IGSF3: variants seen among roughly 807,000 people sequenced by gnomAD.
IGSF3 encodes the protein glu-Trp-Ile EWI motif-containing protein 3.
In IGSF3, 23 loss-of-function variants were observed where a neutral mutation model predicts 114.4. That is an observed-to-expected ratio of 0.20 (90% CI 0.14 to 0.28). IGSF3 has a LOEUF of 0.28. Ranked by LOEUF, IGSF3 falls within the 10% of genes least tolerant of loss-of-function variation. The probability of loss-of-function intolerance (pLI) is 1.00; values close to 1 mark genes in which losing one functional copy is unlikely to be tolerated. For missense variants in IGSF3, 1,172 were observed against 1,591.5 expected (o/e 0.74, Z 4.48); for synonymous variants, 571 against 645.2 (o/e 0.88, Z 1.74).
At chr1:116,656,964 A>T (rs142460876) in intron 2 of IGSF3, among the ~76,000 whole-genome samples, 6,257 of 152,198 alleles carry the variant, frequency 0.041, 428 homozygotes, top group African/African-American at 0.14. Context: ...TAATTAAAGC[A>T]AACAAATATA....
Position 116,632,335 on chromosome 1 carries a change from G to A in IGSF3, c.44-15878C>T, listed in dbSNP as rs1487070543. On this transcript the variant is annotated intron_variant, in intron 2 of 10. Transcript: ENST00000369486. This position sits in a 1 kb window ranked among gnomAD's most constrained non-coding sequence, Gnocchi z 5.1. ...ATCAGTTGCTTTTTGTGCACAGCCA[G>A]ATGAGATATGGATCTGTGGGGGGAA... Among the ~76,000 whole-genome samples, 1 of 152,156 alleles carries A rather than the reference G, an allele frequency of 6.6e-6. No homozygotes were observed. Among genetic ancestry groups the A allele is most frequent in the Non-Finnish European group, 1.5e-5 (1 of 68,032 alleles).
chr1:116,599,868 C>T lies in IGSF3; in HGVS notation c.2029+73G>A, dbSNP rs113790314. 1,562 of 1,346,256 alleles carry T rather than the reference C, an allele frequency of 1.2e-3. 6 individuals carry two copies. The highest frequency in any genetic ancestry group is 8.8e-3 in the African/African-American group (612 of 69,492). The allele number at this position is 1,346,256 out of a possible 1,614,324, so 83.4% of individuals were successfully genotyped here. A position where few individuals can be genotyped will look rare whatever the true frequency, so the allele number is the denominator to read the frequency against. ...GGGGGAAGTGACGCTAAGGGCTCCA[C>T]GCACACCTTTCTTTTTCCCTCACGT... On this transcript the variant is annotated intron_variant, in intron 7 of 10. Transcript: ENST00000369486.
rs2101451694 is a variant in IGSF3, at chr1:116,604,123, T to C, written c.1223-98A>G. The C allele has an allele frequency of 2.7e-6, 3 of 1,120,632 alleles. 1 individual carries two copies. The highest frequency in any genetic ancestry group is 5.2e-5 in the East Asian group (2 of 38,698). The allele number at this position is 1,120,632 out of a possible 1,614,324, so 69.4% of individuals were successfully genotyped here. Reference sequence around the variant, plus strand: ...GAGAAGGGGTGCAAATGGAATCATATTCAGGTACGGTGAGCCTCAGAGGGT... The same window carrying C: ...GAGAAGGGGTGCAAATGGAATCATACTCAGGTACGGTGAGCCTCAGAGGGT... On this transcript the variant is annotated intron_variant, in intron 5 of 10. Transcript: ENST00000369486.
chr1:116,603,998 C>A lies in IGSF3; in HGVS notation c.1250G>T (p.Ser417Ile). 2 of 1,609,878 alleles carry A rather than the reference C, an allele frequency of 1.2e-6. No homozygotes were observed. Among genetic ancestry groups the A allele is most frequent in the Non-Finnish European group, 1.7e-6 (2 of 1,179,578 alleles). The change falls in exon 6 of 11, where the codon AGC (serine) becomes ATC (isoleucine). Residue 417 changes from serine to isoleucine, a missense_variant. By Grantham distance (142) the Ser-to-Ile change is moderately radical (BLOSUM62 -2). Coordinates refer to ENST00000369486, the MANE Select transcript of IGSF3 (RefSeq NM_001007237.3). The surrounding 1 kb of genome is among the most constrained non-coding windows in gnomAD (Gnocchi z 7.1). ...GCCCTCAAGGATGACGCTGGCATTG[C>A]TGGCCACCTCCACGGAGATGCTGCT... ...LKSSISVEVASNASVILEGED... is the reference protein window; with the variant it reads ...LKSSISVEVAINASVILEGED...
chr1:116,666,219 AATT>A (rs2101095793), intron 2 of IGSF3, 62 bp downstream of exon 2: 1 of 1,450,878 alleles, frequency 6.9e-7, no homozygotes, highest in Non-Finnish European at 9.7e-7. Context: ...AACCACGAGA[AATT>A]ACAGGAACCA....
At position 116,610,216 on chromosome 1, in the gene IGSF3, T is replaced by G. The variant is rs1436974602; in HGVS notation, c.833-1885A>C. Reference sequence around the variant, plus strand: ...CCAGTTAGTCATTTATAACCCAACATCAATGACAGAAAAGCACTCCTTCCA... The same window carrying G: ...CCAGTTAGTCATTTATAACCCAACAGCAATGACAGAAAAGCACTCCTTCCA... On this transcript the variant is annotated intron_variant, in intron 4 of 10. Coordinates refer to ENST00000369486, the MANE Select transcript of IGSF3 (RefSeq NM_001007237.3). This position sits in a 1 kb window ranked among gnomAD's most constrained non-coding sequence, Gnocchi z 4.3. Among the ~76,000 whole-genome samples the G allele has an allele frequency of 6.6e-6, 1 of 152,166 alleles. No individual in the cohort carries two copies. The highest frequency in any genetic ancestry group is 6.5e-5 in the Admixed American group (1 of 15,278).
intron 2 of IGSF3, among the ~76,000 whole-genome samples, chr1:116,631,587 G>C (rs534026497): frequency 6.6e-6 from 1 of 152,194 alleles, no homozygotes; most frequent in African/African-American, 2.4e-5. Flanking sequence ...ATAGTAAAGA[G>C]ATGTAGTTAA....
intron 2 of IGSF3, among the ~76,000 whole-genome samples, chr1:116,645,140 G>A (rs1475338623): frequency 6.6e-6 from 1 of 152,216 alleles, no homozygotes; most frequent in Non-Finnish European, 1.5e-5. Context: ...TGGACAAAAT[G>A]TGGTATATCC....
rs1281466334 is a variant in IGSF3 at position 116,598,285 on chromosome 1, C to A, written c.2029+1656G>T. Among the ~76,000 whole-genome samples, 2 of 152,142 alleles carry A rather than the reference C, an allele frequency of 1.3e-5. No individual in the cohort carries two copies. Among genetic ancestry groups the A allele is most frequent in the African/African-American group, 4.8e-5 (2 of 41,420 alleles). On this transcript the variant is annotated intron_variant, in intron 7 of 10. Coordinates refer to ENST00000369486, the MANE Select transcript of IGSF3 (RefSeq NM_001007237.3). The surrounding 1 kb of genome is among the most constrained non-coding windows in gnomAD (Gnocchi z 4.3). ...CAAAAAAAAAAGGTGCAATTACAAT[C>A]CTAATGTCCCACTCAATAATGCAGG... is the stretch of plus-strand genomic sequence containing the variant.
At chr1:116,640,394 T>TA (rs1285258736) in intron 2 of IGSF3, among the ~76,000 whole-genome samples, 1 of 152,204 alleles carries the variant, frequency 6.6e-6, no homozygotes, top group African/African-American at 2.4e-5. Flanking sequence ...CAAGCCCCAC[T>TA]ATTCCACCCA....
Position 116,661,219 on chromosome 1 carries a change from G to T in IGSF3, c.43+5065C>A, listed in dbSNP as rs191222538. On this transcript the variant is annotated intron_variant, in intron 2 of 10. Coordinates refer to ENST00000369486, the MANE Select transcript of IGSF3 (RefSeq NM_001007237.3). This position sits in a 1 kb window ranked among gnomAD's most constrained non-coding sequence, Gnocchi z 4.0. ...GAGGCAGGAGAATCGCGTGAACCCAGCAGGCGGAGGTTACGGTGAGCCAAG... is the reference window on the plus strand; with the variant it reads ...GAGGCAGGAGAATCGCGTGAACCCATCAGGCGGAGGTTACGGTGAGCCAAG... 1.4e-3 allele frequency among the ~76,000 whole-genome samples: 214 copies of T among 152,334 alleles called. 2 individuals carry two copies. The highest frequency in any genetic ancestry group is 4.9e-3 in the African/African-American group (202 of 41,572).
In IGSF3 at chr1:116,585,027, G is replaced by A; in HGVS notation, c.2466C>T (p.Ala822=). 6.5e-7 allele frequency: 1 copy of A among 1,547,486 alleles called. No homozygotes were observed. The change falls in exon 9 of 11, where the codon GCC becomes GCT. Residue 822 remains alanine, a synonymous_variant. Transcript: ENST00000369486. This position sits in a 1 kb window ranked among gnomAD's most constrained non-coding sequence, Gnocchi z 4.9. ...QPDSRLRLSQ[A]QGNLSVLETR... ...TCTCCAGAACCGACAGGTTCCCCTG[G>A]GCTTGGCTGAGCCTCAGGCGGCTGT...
chr1:116,601,024 C>T (rs1660556062), intron 6 of IGSF3, among the ~76,000 whole-genome samples: 2 of 152,172 alleles, frequency 1.3e-5, no homozygotes, highest in African/African-American at 2.4e-5. Context: ...CTCAGAGCTC[C>T]TTCAGCCTGG....
chr1:116,584,456 G>A lies in IGSF3; in HGVS notation c.2848+189C>T, dbSNP rs1557855987. 7 of 602,510 alleles carry A rather than the reference G, an allele frequency of 1.2e-5. No homozygotes were observed. The highest frequency in any genetic ancestry group is 1.1e-4 in the East Asian group (4 of 35,870). The allele number at this position is 602,510 out of a possible 1,614,324, so 37.3% of individuals were successfully genotyped here. The stretch of plus-strand genomic sequence containing the variant: ...ATCAAATCACCTTAGGCCAAAGCCA[G>A]ACGTGCAATTTTCCATTCACAAGAA... On this transcript the variant is annotated intron_variant, in intron 9 of 10. Coordinates refer to ENST00000369486, the MANE Select transcript of IGSF3 (RefSeq NM_001007237.3). This position sits in a 1 kb window ranked among gnomAD's most constrained non-coding sequence, Gnocchi z 5.8.
Position 116,605,671 on chromosome 1 carries a change from AG to A in IGSF3, c.1223-1647del. ...CTACTTCTTAGGGCATGACATTGAGAGGATCAGATGAGGTACTTATTTTTCA... is the reference window on the plus strand; with the variant it reads ...CTACTTCTTAGGGCATGACATTGAGAGATCAGATGAGGTACTTATTTTTCA... On this transcript the variant is annotated intron_variant, in intron 5 of 10. Transcript: ENST00000369486. The surrounding 1 kb of genome is among the most constrained non-coding windows in gnomAD (Gnocchi z 5.1). Among the ~76,000 whole-genome samples, 1 of 152,338 alleles carries A rather than the reference AG, an allele frequency of 6.6e-6. No homozygotes were observed. Among genetic ancestry groups the A allele is most frequent in the East Asian group, 1.9e-4 (1 of 5,180 alleles).
At position 116,624,566 on chromosome 1, in the gene IGSF3, A is replaced by T. The variant is rs1398740283; in HGVS notation, c.44-8109T>A. Among the ~76,000 whole-genome samples, 1 of 152,248 alleles carries T rather than the reference A, an allele frequency of 6.6e-6. No individual in the cohort carries two copies. The highest frequency in any genetic ancestry group is 1.5e-5 in the Non-Finnish European group (1 of 68,048). ...TAGCTGTGGAACTAATTTCTCCCAC[A>T]CACCGTGGCAGGTTGTATTCTCCAG... On this transcript the variant is annotated intron_variant, in intron 2 of 10. Coordinates refer to ENST00000369486, the MANE Select transcript of IGSF3 (RefSeq NM_001007237.3). The surrounding 1 kb of genome is among the most constrained non-coding windows in gnomAD (Gnocchi z 4.9).
In IGSF3 at chr1:116,625,304, C is replaced by G. The variant is rs1661538991; in HGVS notation, c.44-8847G>C. ...GAGGTGCAAAGTGCAAGGTTAAGCC[C>G]TTTCAGAAAGTGAAAGCATTCAAAA... On this transcript the variant is annotated intron_variant, in intron 2 of 10. Coordinates refer to ENST00000369486, the MANE Select transcript of IGSF3 (RefSeq NM_001007237.3). This position sits in a 1 kb window ranked among gnomAD's most constrained non-coding sequence, Gnocchi z 4.7. Among the ~76,000 whole-genome samples the G allele has an allele frequency of 6.6e-6, 1 of 152,182 alleles. No homozygotes were observed. The highest frequency in any genetic ancestry group is 2.1e-4 in the South Asian group (1 of 4,834).
intron 2 of IGSF3, among the ~76,000 whole-genome samples, chr1:116,640,256 C>T (rs1299533014): frequency 6.6e-6 from 1 of 152,152 alleles, no homozygotes; most frequent in Non-Finnish European, 1.5e-5. Context: ...ACATGTATAA[C>T]AAATGCCTGT....
Position 116,631,103 on chromosome 1 carries a change from G to C in IGSF3, c.44-14646C>G, listed in dbSNP as rs111427781. Among the ~76,000 whole-genome samples, 1,298 of 152,070 alleles carry C rather than the reference G, an allele frequency of 8.5e-3. 26 individuals carry two copies. The highest frequency in any genetic ancestry group is 0.03 in the African/African-American group (1,258 of 41,464). ...GGAGGCCGAGGCGGGTGGATCATGA[G>C]GTCAGGAGATCGAGACCATCCTGGC... On this transcript the variant is annotated intron_variant, in intron 2 of 10. Coordinates refer to ENST00000369486, the MANE Select transcript of IGSF3 (RefSeq NM_001007237.3).
Sources: allele counts gnomAD v4.1 joint callset (sites outside exome capture counted in the v4.1 genomes callset), GRCh38; gene constraint gnomAD v4.1.1; non-coding constraint Gnocchi (gnomAD v3.1); transcripts MANE v1.5; gene names NCBI Gene and HGNC (gene_info 2026-07-23, HGNC 2026-07-21).